Variants in PDE7A observed in about 807,000 individuals in gnomAD.
The protein encoded by PDE7A is phosphodiesterase 7A.
A neutral mutation model predicts 64.3 loss-of-function variants in PDE7A; 39 were observed. The ratio of observed to expected loss-of-function variants is 0.61; its 90% CI spans 0.47 to 0.79. The LOEUF is 0.79. PDE7A is among the 30% of genes least tolerant of loss of function. The pLI is 0.00. For synonymous variants in PDE7A, 203 were observed against 206.8 expected, an observed-to-expected ratio of 0.98 and a Z score of 0.16; for missense variants, 470 against 582.8, an observed-to-expected ratio of 0.81 and a Z score of 1.99.
At chr8:65,808,663 T>C (rs1400741147) in intron 1 of PDE7A, among the ~76,000 whole-genome samples, 1 of 152,214 alleles carries the variant, frequency 6.6e-6, no homozygotes, top group Non-Finnish European at 1.5e-5. Flanking sequence ...GATGAACATG[T>C]ATTAACTTAC....
intron 12 of PDE7A, among the ~76,000 whole-genome samples, chr8:65,720,849 GCCACCC>G: frequency 6.6e-6 from 1 of 152,326 alleles, no homozygotes; most frequent in Admixed American, 6.5e-5. Context: ...TGTTGAGCCA[GCCACCC>G]AAAGCCCTGT....
intron 3 of PDE7A, among the ~76,000 whole-genome samples, chr8:65,762,475 C>T (rs972276129): frequency 2.0e-5 from 3 of 152,174 alleles, no homozygotes; most frequent in Non-Finnish European, 4.4e-5. Flanking sequence ...AGGAATTAGA[C>T]ACATCTGAGT....
At position 65,798,179 on chromosome 8, in the gene PDE7A, C is replaced by CATAT. The variant is rs1218978698; in HGVS notation, c.139-15340_139-15337dup. Among the ~76,000 whole-genome samples the CATAT allele has an allele frequency of 9.1e-4, 108 of 118,894 alleles. 3 individuals carry two copies. The highest frequency in any genetic ancestry group is 3.3e-3 in the African/African-American group (91 of 27,282). The allele number at this position is 118,894 out of a possible 152,430, so 78.0% of individuals were successfully genotyped here. On this transcript the variant is annotated intron_variant, in intron 1 of 12. Transcript: ENST00000401827. ...AAATATATACATGTGTGTGTGTGTG[C>CATAT]ATATATATATATATATATATATATA...
intron 1 of PDE7A, among the ~76,000 whole-genome samples, chr8:65,795,442 A>G (rs1809813597): frequency 6.6e-6 from 1 of 152,212 alleles, no homozygotes; most frequent in Admixed American, 6.5e-5. Context: ...CTGATGGTGG[A>G]TCCCCTTGAA....
chr8:65,728,970 A>G (rs1426975611), intron 7 of PDE7A, among the ~76,000 whole-genome samples: 5 of 152,202 alleles, frequency 3.3e-5, no homozygotes, highest in Non-Finnish European at 7.4e-5. Context: ...ATGCAAAAAA[A>G]TATTTGATAT....
At chr8:65,782,354 TAGA>T (rs895651468) in intron 2 of PDE7A, among the ~76,000 whole-genome samples, 6 of 152,198 alleles carry the variant, frequency 3.9e-5, no homozygotes, top group African/African-American at 1.4e-4. Context: ...GCACCAGAAC[TAGA>T]AGAAGTCAAA....
At chr8:65,790,347 T>A (rs1209446346) in intron 1 of PDE7A, among the ~76,000 whole-genome samples, 1 of 151,542 alleles carries the variant, frequency 6.6e-6, no homozygotes, top group Non-Finnish European at 1.5e-5. Context: ...TATAGGGAGG[T>A]GGGGTAGGGG....
At chr8:65,739,160 A>G (rs1028831856) in intron 6 of PDE7A, among the ~76,000 whole-genome samples, 2 of 152,222 alleles carry the variant, frequency 1.3e-5, no homozygotes, top group East Asian at 3.8e-4. Context: ...ATGTAAATCT[A>G]TTATGGTGCC....
chr8:65,832,847 C>A (rs1245133635), intron 1 of PDE7A, among the ~76,000 whole-genome samples: 3 of 152,154 alleles, frequency 2.0e-5, no homozygotes, highest in Non-Finnish European at 4.4e-5. Context: ...ACCAGATCTC[C>A]TTATTTCCTA....
chr8:65,739,585 A>G lies in PDE7A; in HGVS notation c.512T>C (p.Val171Ala). 1 of 1,532,356 alleles carries G rather than the reference A, an allele frequency of 6.5e-7. No individual in the cohort carries two copies. Among genetic ancestry groups the G allele is most frequent in the South Asian group, 1.3e-5 (1 of 75,088 alleles). 94.9% of individuals were successfully genotyped at this position (1,532,356 alleles called of 1,614,324 possible). A position where few individuals can be genotyped will look rare whatever the true frequency, so the allele number is the denominator to read the frequency against. ...ACTAAATAAATGAAAGGTTAAGCTT[A>G]CTAGACTATTTCCTAAAAAGAAAGA... ...FDRLTNGNSL[V>A]SLTFHLFSLH... The change falls in exon 6 of 13, where the codon GTA becomes GCA. Residue 171 changes from valine to alanine, a missense_variant. Coordinates refer to ENST00000401827, the MANE Select transcript of PDE7A (RefSeq NM_001242318.3).
chr8:65,804,489 T>TAAA (rs1281569225), intron 1 of PDE7A, among the ~76,000 whole-genome samples: 2 of 151,206 alleles, frequency 1.3e-5, no homozygotes, highest in Non-Finnish European at 2.9e-5. Flanking sequence ...GGAGAAGCTT[T>TAAA]AAAAACCCCA....
chr8:65,803,903 C>G (rs978812258), intron 1 of PDE7A, among the ~76,000 whole-genome samples: 13 of 152,186 alleles, frequency 8.5e-5, no homozygotes, highest in African/African-American at 3.1e-4. Flanking sequence ...AACAAACCAG[C>G]AGAGGCAAGG....
At chr8:65,809,997 G>A (rs1455916789) in intron 1 of PDE7A, among the ~76,000 whole-genome samples, 1 of 152,092 alleles carries the variant, frequency 6.6e-6, no homozygotes, top group Non-Finnish European at 1.5e-5. Flanking sequence ...TCATTACTGG[G>A]TATATACCCC....
intron 6 of PDE7A, 24 bp downstream of exon 6, chr8:65,739,478 T>C (rs367557804): frequency 8.5e-6 from 13 of 1,530,718 alleles, no homozygotes; most frequent in Non-Finnish European, 1.1e-5. Context: ...ATCTTGTTAC[T>C]GTTAATGGGT....
At chr8:65,791,688 C>G (rs1329649061) in intron 1 of PDE7A, among the ~76,000 whole-genome samples, 1 of 152,182 alleles carries the variant, frequency 6.6e-6, no homozygotes, top group Non-Finnish European at 1.5e-5. Flanking sequence ...ATAATCAAGA[C>G]ACAATTCTCC....
intron 8 of PDE7A, 55 bp downstream of exon 8, chr8:65,727,115 G>A: frequency 1.7e-6 from 2 of 1,181,064 alleles, no homozygotes; most frequent in East Asian, 4.7e-5. Flanking sequence ...TTCAAAATAT[G>A]AAAGATTTTC....
intron 1 of PDE7A, among the ~76,000 whole-genome samples, chr8:65,805,587 C>T (rs1328053242): frequency 6.6e-6 from 1 of 152,150 alleles, no homozygotes; most frequent in Admixed American, 6.5e-5. Flanking sequence ...CAATCTTGCT[C>T]TTGGGTCAAA....
chr8:65,782,727 TAAC>T, intron 2 of PDE7A, 53 bp downstream of exon 2: 2 of 941,296 alleles, frequency 2.1e-6, no homozygotes, highest in South Asian at 1.5e-5. Flanking sequence ...CAAACTCAAA[TAAC>T]AACAGGTAAT....
rs553721815 is a variant in PDE7A at position 65,757,650 on chromosome 8, G to A, written c.284-9847C>T. Among the ~76,000 whole-genome samples, 588 of 152,142 alleles carry A rather than the reference G, an allele frequency of 3.9e-3. 1 individual carries two copies. Among genetic ancestry groups the A allele is most frequent in the Non-Finnish European group, 6.2e-3 (423 of 67,994 alleles). Reference sequence around the variant, plus strand: ...TGTTTGTTTTTTAAGACTGAGTCTCGCTCTGTCGCCCAGGCTGAAGTGCAG... The same window carrying A: ...TGTTTGTTTTTTAAGACTGAGTCTCACTCTGTCGCCCAGGCTGAAGTGCAG... On this transcript the variant is annotated intron_variant, in intron 3 of 12. Coordinates refer to ENST00000401827, the MANE Select transcript of PDE7A (RefSeq NM_001242318.3).
Sources: allele counts gnomAD v4.1 joint callset (sites outside exome capture counted in the v4.1 genomes callset), GRCh38; gene constraint gnomAD v4.1.1; transcripts MANE v1.5; gene names NCBI Gene and HGNC (gene_info 2026-07-23, HGNC 2026-07-21).